MOB3B: variants seen among roughly 807,000 people sequenced by gnomAD.
The protein encoded by MOB3B is MOB kinase activator 3B.
MOB3B carries 7 observed loss-of-function variants against 18.7 expected under a neutral mutation model. The ratio of observed to expected loss-of-function variants is 0.37; its 90% CI spans 0.21 to 0.70. MOB3B has a LOEUF of 0.70. MOB3B is among the 30% of genes least tolerant of loss of function. The pLI is 0.52. For synonymous variants in MOB3B, 111 were observed against 99.9 expected, an observed-to-expected ratio of 1.11 and a Z score of -0.66; for missense variants, 253 against 281.3, an observed-to-expected ratio of 0.90 and a Z score of 0.72.
chr9:27,459,374 T>C (rs1335525113), intron 1 of MOB3B, among the ~76,000 whole-genome samples: 1 of 152,154 alleles, frequency 6.6e-6, no homozygotes, highest in Non-Finnish European at 1.5e-5. Context: ...TGGATGACAC[T>C]CAAAGCATCA....
intron 2 of MOB3B, among the ~76,000 whole-genome samples, chr9:27,383,991 T>C (rs561079452): frequency 1.3e-5 from 2 of 152,328 alleles, no homozygotes; most frequent in Middle Eastern, 3.4e-3. Context: ...CTGGTATAGA[T>C]AAGCATTATA....
intron 2 of MOB3B, among the ~76,000 whole-genome samples, chr9:27,393,814 A>G (rs1821762259): frequency 6.6e-6 from 1 of 152,168 alleles, no homozygotes; most frequent in Non-Finnish European, 1.5e-5. Flanking sequence ...CAGATGCAGG[A>G]TTTGAATCCA....
chr9:27,493,390 C>T (rs1819848451), intron 1 of MOB3B, among the ~76,000 whole-genome samples: 1 of 152,100 alleles, frequency 6.6e-6, no homozygotes, highest in Non-Finnish European at 1.5e-5. Flanking sequence ...CCTGTAATCC[C>T]AGCACTTTGG....
rs557998031 is a variant in MOB3B at position 27,423,132 on chromosome 9, T to C, written c.418+32001A>G. ...AAGCAAACATTTTTAGTGCCTATTATGTGTTAGGCACTGGCCTTGCCTGTG... is the reference window on the plus strand; with the variant it reads ...AAGCAAACATTTTTAGTGCCTATTACGTGTTAGGCACTGGCCTTGCCTGTG... On this transcript the variant is annotated intron_variant, in intron 2 of 3. Transcript: ENST00000262244. Among the ~76,000 whole-genome samples the C allele has an allele frequency of 4.6e-5, 7 of 152,312 alleles. No homozygotes were observed. The East Asian group carries it at 9.6e-4, about 21-fold the overall frequency.
intron 2 of MOB3B, among the ~76,000 whole-genome samples, chr9:27,409,533 A>G (rs963249439): frequency 2.6e-5 from 4 of 152,238 alleles, no homozygotes; most frequent in East Asian, 1.9e-4. Flanking sequence ...CAGTTCCTCA[A>G]AAAGTTAAAC....
intron 1 of MOB3B, among the ~76,000 whole-genome samples, chr9:27,499,792 A>T (rs749087150): frequency 1.3e-5 from 2 of 152,174 alleles, no homozygotes; most frequent in Non-Finnish European, 2.9e-5. Context: ...AATGTATCTA[A>T]TACTGAAGGA....
chr9:27,515,693 C>G (rs1018625709), intron 1 of MOB3B, among the ~76,000 whole-genome samples: 6 of 152,170 alleles, frequency 3.9e-5, no homozygotes, highest in Admixed American at 6.5e-5. Context: ...CCACATTTCT[C>G]TCTAACAAAG....
rs982555033 is a variant in MOB3B, at chr9:27,493,521, G to A, written c.-199+36034C>T. On this transcript the variant is annotated intron_variant, in intron 1 of 3. Coordinates refer to ENST00000262244, the MANE Select transcript of MOB3B (RefSeq NM_024761.5). Reference sequence around the variant, plus strand: ...CCAGGCATCGTAGTGGGTGCCTGTAGTCCCAGCTACTCGGGAGGCTGAGGC... The same window carrying A: ...CCAGGCATCGTAGTGGGTGCCTGTAATCCCAGCTACTCGGGAGGCTGAGGC... 4.0e-4 allele frequency among the ~76,000 whole-genome samples: 61 copies of A among 152,124 alleles called. 1 individual carries two copies. The highest frequency in any genetic ancestry group is 1.5e-3 in the African/African-American group (61 of 41,502).
rs147239561 is a variant in MOB3B, at chr9:27,374,796, C to T, written c.419-15560G>A. Among the ~76,000 whole-genome samples, 53 of 152,362 alleles carry T rather than the reference C, an allele frequency of 3.5e-4. 1 individual carries two copies. Among genetic ancestry groups the T allele is most frequent in the Non-Finnish European group, 5.6e-4 (38 of 68,038 alleles). ...CCTGGCACAACTGGACTGAGATTCCCACATGGCAGCAGCTCAGTAATGTCT... is the reference window on the plus strand; with the variant it reads ...CCTGGCACAACTGGACTGAGATTCCTACATGGCAGCAGCTCAGTAATGTCT... On this transcript the variant is annotated intron_variant, in intron 2 of 3. Transcript: ENST00000262244.
chr9:27,385,979 A>T (rs1432395033), intron 2 of MOB3B, among the ~76,000 whole-genome samples: 1 of 152,246 alleles, frequency 6.6e-6, no homozygotes, highest in Non-Finnish European at 1.5e-5. Context: ...AGACATGTCT[A>T]GGGAGATCTG....
intron 1 of MOB3B, among the ~76,000 whole-genome samples, chr9:27,503,224 A>C (rs1820014143): frequency 1.3e-5 from 2 of 152,158 alleles, no homozygotes; most frequent in African/African-American, 4.8e-5. Context: ...GAGTTGAAAA[A>C]ATTTCAATTT....
chr9:27,526,486 TTCTC>T (rs1370021537), intron 1 of MOB3B: 1 of 152,238 alleles, frequency 6.6e-6, no homozygotes, highest in African/African-American at 2.4e-5. Flanking sequence ...TCTTTGCCTG[TTCTC>T]TCTAATAACT....
intron 1 of MOB3B, among the ~76,000 whole-genome samples, chr9:27,478,974 C>T (rs1819604973): frequency 6.6e-6 from 1 of 151,992 alleles, no homozygotes; most frequent in South Asian, 2.1e-4. Context: ...ATCAATAATA[C>T]AGAGGCCAGA....
intron 3 of MOB3B, among the ~76,000 whole-genome samples, chr9:27,342,152 T>A (rs980328360): frequency 6.6e-6 from 1 of 152,092 alleles, no homozygotes; most frequent in East Asian, 1.9e-4. Context: ...GCATTTAGCA[T>A]GGGGGTCTTT....
intron 2 of MOB3B, among the ~76,000 whole-genome samples, chr9:27,404,387 C>T (rs148490350): frequency 0.051 from 5,251 of 102,476 alleles, 291 homozygotes; most frequent in African/African-American, 0.15. Flanking sequence ...GACAGAGTCT[C>T]GTTCTGTCAC....
intron 3 of MOB3B, among the ~76,000 whole-genome samples, chr9:27,334,698 A>G (rs1820837157): frequency 6.6e-6 from 1 of 152,278 alleles, no homozygotes; most frequent in Admixed American, 6.5e-5. Flanking sequence ...ATAATGATCC[A>G]GAGAAGTAAA....
intron 2 of MOB3B, among the ~76,000 whole-genome samples, chr9:27,444,304 A>AGGGAGGGAGGGAGGGAGGGAAGG: frequency 1.3e-5 from 1 of 77,720 alleles, no homozygotes; most frequent in African/African-American, 4.7e-5. Flanking sequence ...AGGAAGGAAG[A>AGGGAGGGAGGGAGGGAGGGAAGG]AAGGAAGGAA....
chr9:27,434,848 G>A (rs1304803096), intron 2 of MOB3B, among the ~76,000 whole-genome samples: 1 of 152,126 alleles, frequency 6.6e-6, no homozygotes. Flanking sequence ...AGGGCTCTCA[G>A]TTGGTGCTGG....
chr9:27,470,379 T>TTGATTGATCAAGTC (rs1819452959), intron 1 of MOB3B, among the ~76,000 whole-genome samples: 1 of 152,164 alleles, frequency 6.6e-6, no homozygotes, highest in African/African-American at 2.4e-5. Context: ...CTTTCAGGTT[T>TTGATTGATCAAGTC]CGCTTGATCA....
Sources: gnomAD v4.1 joint callset for allele counts (sites outside exome capture counted in the v4.1 genomes callset) on GRCh38, gnomAD v4.1.1 for gene constraint, MANE v1.5 for transcripts, NCBI Gene and HGNC (gene_info 2026-07-23, HGNC 2026-07-21) for gene names.